UNKL: variants seen among roughly 807,000 people sequenced by gnomAD.
UNKL encodes the protein putative E3 ubiquitin-protein ligase UNKL.
A neutral mutation model predicts 78.0 loss-of-function variants in UNKL; 60 were observed. The observed-to-expected ratio is 0.77, with a 90% CI of 0.63 to 0.95. The LOEUF is 0.95. Ranked by LOEUF, UNKL falls within the 40% of genes least tolerant of loss-of-function variation. The pLI is 0.00. For missense variants in UNKL, 1,159 were observed against 1,045.7 expected (o/e 1.11, Z -1.49); for synonymous variants, 608 against 474.8 (o/e 1.28, Z -3.65).
chr16:1,367,343 C>G lies in UNKL; in HGVS notation c.1795G>C (p.Asp599His). 1 of 1,541,992 alleles carries G rather than the reference C, an allele frequency of 6.5e-7. No individual in the cohort carries two copies. The highest frequency in any genetic ancestry group is 1.2e-5 in the South Asian group (1 of 84,022). ...TCCTGCGCCTCTCGCTGCCAGGCAT[C>G]GCAGACCTGAAACCCAGGGCCCGTC... is the stretch of plus-strand genomic sequence containing the variant. Reference protein sequence around the residue: ...ESWQQVKQVCDAWQREAQEAK... With the variant: ...ESWQQVKQVCHAWQREAQEAK... Residue 599 changes from aspartate (D) to histidine (H), a missense_variant, in exon 14 of 15, where the codon GAT becomes CAT. Transcript: ENST00000389221.
Position 1,364,135 on chromosome 16 carries a change from G to A in UNKL, c.*2105C>T, listed in dbSNP as rs948673704. On this transcript the variant is annotated 3_prime_UTR_variant, in exon 15 of 15. Coordinates refer to ENST00000389221, the MANE Select transcript of UNKL (RefSeq NM_001372107.1). ...TCGATGACAGTAGCACAAAATATAC[G>A]TAATTTCTAGATACTGAGCTAATAA... 4 of 152,210 alleles carry A rather than the reference G, an allele frequency of 2.6e-5. No individual in the cohort carries two copies. Among genetic ancestry groups the A allele is most frequent in the African/African-American group, 7.2e-5 (3 of 41,456 alleles). The allele number at this position is 152,210 out of a possible 1,614,324, so 9.4% of individuals were successfully genotyped here.
chr16:1,369,148 C>T (rs551158663), intron 12 of UNKL, among the ~76,000 whole-genome samples: 11 of 142,650 alleles, frequency 7.7e-5, no homozygotes, highest in South Asian at 2.3e-4. Context: ...CAGCTCACTG[C>T]GACCTCCGAC....
chr16:1,406,667 C>G (rs769195600), intron 2 of UNKL, among the ~76,000 whole-genome samples: 1 of 152,048 alleles, frequency 6.6e-6, no homozygotes, highest in Non-Finnish European at 1.5e-5. Flanking sequence ...ACTGCTCGCA[C>G]GTCCCAGGCC....
intron 1 of UNKL, 71 bp from the exon 2 acceptor site, chr16:1,414,126 G>A: frequency 2.8e-6 from 4 of 1,440,390 alleles, no homozygotes; most frequent in Admixed American, 2.2e-5. Flanking sequence ...TGGGCGGCGG[G>A]ACCCACCGGC....
In UNKL at chr16:1,403,190, G is replaced by C; in HGVS notation, c.442C>G (p.Arg148Gly). The C allele has an allele frequency of 6.2e-7, 1 of 1,612,852 alleles. No individual in the cohort carries two copies. The highest frequency in any genetic ancestry group is 8.5e-7 in the Non-Finnish European group (1 of 1,179,442). ...CACCTGACGTCACACACGGGCGGCC[G>C]CAGGTCCAGGGGGCCGTGCGCGAAG... The part of the protein sequence containing the change: ...CAFAHGPLDL[R>G]PPVCDVRELQ... Residue 148 changes from arginine to glycine, a missense_variant, in exon 3 of 15, where the codon CGG becomes GGG. Physicochemically the swap from Arg to Gly is moderately radical, Grantham distance 125 (BLOSUM62 -2). Transcript: ENST00000389221. This position sits in a 1 kb window ranked among gnomAD's most constrained non-coding sequence, Gnocchi z 4.8.
In UNKL at chr16:1,370,245, G is replaced by A. The variant is rs2035691409; in HGVS notation, c.1470C>T (p.Ser490=). 1.3e-6 allele frequency: 2 copies of A among 1,535,188 alleles called. No homozygotes were observed. Among genetic ancestry groups the A allele is most frequent in the Admixed American group, 2.0e-5 (1 of 50,674 alleles). ...SASTSPLGSL[S]QPLPGPVGSS... is the part of the protein sequence containing the mutation. ...AGCCCACCGGCCCTGGGAGGGGCTG[G>A]GACAGCGAACCGAGCGGCGAGGTGG... The change falls in exon 12 of 15, where the codon TCC becomes TCT. Residue 490 remains serine, a synonymous_variant. Coordinates refer to ENST00000389221, the MANE Select transcript of UNKL (RefSeq NM_001372107.1).
chr16:1,376,770 T>A (rs2036259014), intron 10 of UNKL, among the ~76,000 whole-genome samples: 1 of 152,064 alleles, frequency 6.6e-6, no homozygotes, highest in Non-Finnish European at 1.5e-5. Flanking sequence ...CTTTTTCCTA[T>A]ACGAACGTCC....
At chr16:1,367,908 T>G (rs1437049869) in intron 12 of UNKL, 50 bp from the exon 13 acceptor site, 2 of 1,462,388 alleles carry the variant, frequency 1.4e-6, no homozygotes, top group Admixed American at 4.1e-5. Context: ...GCTCGCGGCC[T>G]GGTGGGATTG....
intron 5 of UNKL, chr16:1,398,865 T>C (rs1377258539): frequency 1.3e-6 from 2 of 1,575,534 alleles, no homozygotes; most frequent in African/African-American, 1.3e-5. Flanking sequence ...GAAGGTCCTG[T>C]GTGCACCCTG....
At chr16:1,398,284 A>T (rs1036185229) in intron 5 of UNKL, 16 of 995,712 alleles carry the variant, frequency 1.6e-5, no homozygotes, top group Non-Finnish European at 1.9e-5. Flanking sequence ...CTCATAAAAA[A>T]ACAAAATCCT....
chr16:1,413,952 G>C lies in UNKL; in HGVS notation c.181C>G (p.Arg61Gly). ...CGCCTGCGGAGGGGCCTGCGGCGCC[G>C]CTGGTTGAGGAAGTGCCAGTGGAAG... ...TCFHWHFLNQ[R>G]RRRPLRRRDG... Residue 61 changes from arginine to glycine, a missense_variant, in exon 2 of 15, where the codon CGG becomes GGG. By Grantham distance (125) the Arg-to-Gly change is moderately radical. Coordinates refer to ENST00000389221, the MANE Select transcript of UNKL (RefSeq NM_001372107.1). 6.4e-7 allele frequency: 1 copy of C among 1,552,782 alleles called. No homozygotes were observed. Among genetic ancestry groups the C allele is most frequent in the Non-Finnish European group, 8.7e-7 (1 of 1,148,158 alleles).
rs2037520895 is a variant in UNKL, at chr16:1,401,457, C to T, written c.598+111G>A. On this transcript the variant is annotated intron_variant, in intron 4 of 14. Transcript: ENST00000389221. ...ACTCCACGAGCCTCGGTTTCCCCAT[C>T]TGATCACCTTGCACGTAAACTGAAA... 8.5e-6 allele frequency: 11 copies of T among 1,297,008 alleles called. No homozygotes were observed. The South Asian group carries it at 2.3e-4, about 27-fold the overall frequency. 80.3% of individuals were successfully genotyped at this position (1,297,008 alleles called of 1,614,324 possible). A position where few individuals can be genotyped will look rare whatever the true frequency, so the allele number is the denominator to read the frequency against.
chr16:1,369,055 G>GTTTT (rs1218071522), intron 12 of UNKL, among the ~76,000 whole-genome samples: 911 of 53,710 alleles, frequency 0.017, 133 homozygotes, highest in Middle Eastern at 0.024. Context: ...CAAAGTATTA[G>GTTTT]TTTTTTTTTT....
At chr16:1,369,463 A>G (rs1432274630) in intron 12 of UNKL, among the ~76,000 whole-genome samples, 8 of 147,170 alleles carry the variant, frequency 5.4e-5, no homozygotes, top group African/African-American at 2.5e-5. Flanking sequence ...TCCACCTCCC[A>G]GGTTCAAGCA....
chr16:1,398,679 G>GCCCGCCCCCC, intron 5 of UNKL: 1 of 1,356,386 alleles, frequency 7.4e-7, no homozygotes, highest in Non-Finnish European at 9.5e-7. Flanking sequence ...TGTGGGGTCT[G>GCCCGCCCCCC]CACCCCCCCA....
At chr16:1,402,517 C>A (rs1039044973) in intron 3 of UNKL, among the ~76,000 whole-genome samples, 4 of 152,040 alleles carry the variant, frequency 2.6e-5, no homozygotes, top group East Asian at 3.9e-4. Context: ...AACAAAATAA[C>A]CCAGGCATGG....
At position 1,396,006 on chromosome 16, in the gene UNKL, A is replaced by T. The variant is rs76598457; in HGVS notation, c.852+1172T>A. 7.8e-3 allele frequency among the ~76,000 whole-genome samples: 1,177 copies of T among 150,736 alleles called. 61 individuals are homozygous for T. The East Asian group carries it at 0.15, about 20-fold the overall frequency. On this transcript the variant is annotated intron_variant, in intron 6 of 14. Coordinates refer to ENST00000389221, the MANE Select transcript of UNKL (RefSeq NM_001372107.1). Reference sequence around the variant, plus strand: ...CCCCCAGGCTGGAGTGCAGTGGCGCACTCTTGGCTCACTGCAACCTCAGCC... The same window carrying T: ...CCCCCAGGCTGGAGTGCAGTGGCGCTCTCTTGGCTCACTGCAACCTCAGCC...
intron 2 of UNKL, among the ~76,000 whole-genome samples, chr16:1,413,481 T>A (rs2038140195): frequency 6.6e-6 from 1 of 151,896 alleles, no homozygotes; most frequent in East Asian, 1.9e-4. Flanking sequence ...GGCAGGAGAA[T>A]CACTTGAACC....
intron 12 of UNKL, among the ~76,000 whole-genome samples, chr16:1,369,395 G>T (rs1380386555): frequency 2.0e-5 from 3 of 148,210 alleles, no homozygotes; most frequent in Admixed American, 1.3e-4. Context: ...TTGAGATGGA[G>T]TTTCACTCTT....
Sources: gnomAD v4.1 joint callset for allele counts (sites outside exome capture counted in the v4.1 genomes callset) on GRCh38, gnomAD v4.1.1 for gene constraint, Gnocchi (gnomAD v3.1) non-coding constraint, MANE v1.5 for transcripts, NCBI Gene and HGNC (gene_info 2026-07-23, HGNC 2026-07-21) for gene names.